Variants in IQGAP1 observed in about 807,000 individuals in gnomAD.
IQGAP1 encodes the protein IQ motif containing GTPase activating protein 1, also known as ras GTPase-activating-like protein IQGAP1.
IQGAP1 carries 66 observed loss-of-function variants against 215.6 expected under a neutral mutation model. The observed-to-expected ratio is 0.31, with a 90% confidence interval of 0.25 to 0.38. IQGAP1 has a LOEUF of 0.38. Among genes scored for constraint, IQGAP1 ranks in the 10% least tolerant of loss-of-function variants. The pLI is 1.00. For missense variants in IQGAP1, 1,712 were observed against 1,997.1 expected (o/e 0.86, Z 2.72); for synonymous variants, 772 against 728.7 (o/e 1.06, Z -0.96).
chr15:90,452,988 A>T lies in IQGAP1; in HGVS notation c.1326+50A>T, dbSNP rs758288917. Reference sequence around the variant, plus strand: ...TTGTGAGCAAAGTTGGGTGGACGTGAGTGTAATACCCACTTCTTCCTGTGG... The same window carrying T: ...TTGTGAGCAAAGTTGGGTGGACGTGTGTGTAATACCCACTTCTTCCTGTGG... On this transcript the variant is annotated intron_variant, in intron 12 of 37. Coordinates refer to ENST00000268182, the MANE Select transcript of IQGAP1 (RefSeq NM_003870.4). 8 of 1,597,404 alleles carry T rather than the reference A, an allele frequency of 5.0e-6. No homozygotes were observed. In the South Asian group the frequency reaches 8.9e-5, roughly 18 times the overall value.
chr15:90,420,474 A>G (rs767708018), intron 2 of IQGAP1, among the ~76,000 whole-genome samples: 4 of 152,200 alleles, frequency 2.6e-5, no homozygotes, highest in Non-Finnish European at 4.4e-5. Context: ...CCAGAAATGA[A>G]CTAGGTTACC....
chr15:90,402,310 C>G (rs1181627113), intron 2 of IQGAP1, among the ~76,000 whole-genome samples: 1 of 152,116 alleles, frequency 6.6e-6, no homozygotes, highest in Non-Finnish European at 1.5e-5. Flanking sequence ...AAAGAGTTAC[C>G]TCATACAGAC....
chr15:90,444,637 A>G (rs879632266), intron 9 of IQGAP1, among the ~76,000 whole-genome samples: 1 of 152,176 alleles, frequency 6.6e-6, no homozygotes, highest in Non-Finnish European at 1.5e-5. Flanking sequence ...TGACTTTTAT[A>G]TATGTGTTAC....
chr15:90,481,560 G>T (rs59319962), intron 26 of IQGAP1, among the ~76,000 whole-genome samples: 2 of 151,860 alleles, frequency 1.3e-5, no homozygotes, highest in Non-Finnish European at 2.9e-5. Flanking sequence ...GCATCCCTTC[G>T]TTTTGGAAGC....
rs1478203119 is a variant in IQGAP1 at position 90,454,485 on chromosome 15, C to T, written c.1545C>T (p.Phe515=). 6.2e-7 allele frequency: 1 copy of T among 1,611,832 alleles called. No individual in the cohort carries two copies. The highest frequency in any genetic ancestry group is 8.5e-7 in the Non-Finnish European group (1 of 1,179,240). ...AGGCACATGCAGAGAATAATGAATT[C>T]ATTACATGGAATGATATCCAAGCTT... The part of the protein sequence containing the change: ...KAQAHAENNE[F]ITWNDIQACV... Residue 515 remains phenylalanine, a synonymous_variant, in exon 14 of 38, where the codon TTC becomes TTT. Transcript: ENST00000268182.
chr15:90,461,301 A>G (rs1313798359), intron 15 of IQGAP1, among the ~76,000 whole-genome samples: 1 of 102,382 alleles, frequency 9.8e-6, no homozygotes, highest in Non-Finnish European at 2.2e-5. Flanking sequence ...CTCCGTCTCA[A>G]AAAAAGAAAA....
Position 90,492,718 on chromosome 15 carries a change from A to AT in IQGAP1, c.4628+13dup. ...ACTTAGCCAGCAAGGGCAAGTGAGT[A>AT]TTTTTTCTTTTTAAAGAATCAATGT... On this transcript the variant is annotated splice_region_variant and intron_variant, in intron 35 of 37. Coordinates refer to ENST00000268182, the MANE Select transcript of IQGAP1 (RefSeq NM_003870.4). The AT allele has an allele frequency of 6.3e-7, 1 of 1,596,924 alleles. No individual in the cohort carries two copies. Among genetic ancestry groups the AT allele is most frequent in the Non-Finnish European group, 8.5e-7 (1 of 1,174,410 alleles).
intron 26 of IQGAP1, among the ~76,000 whole-genome samples, chr15:90,478,779 T>C (rs1201081655): frequency 6.6e-6 from 1 of 152,172 alleles, no homozygotes; most frequent in African/African-American, 2.4e-5. Context: ...AAGGTTCATA[T>C]AGATTGGGTG....
At chr15:90,460,564 G>A (rs1287874093) in intron 15 of IQGAP1, among the ~76,000 whole-genome samples, 1 of 152,162 alleles carries the variant, frequency 6.6e-6, no homozygotes, top group Non-Finnish European at 1.5e-5. Flanking sequence ...TTGGGAATGG[G>A]GCTTTGAAGG....
At chr15:90,481,203 G>C (rs962786481) in intron 26 of IQGAP1, among the ~76,000 whole-genome samples, 78 of 151,156 alleles carry the variant, frequency 5.2e-4, no homozygotes, top group African/African-American at 1.8e-3. Context: ...TGTGGTTCCA[G>C]CCTCTGCCTT....
chr15:90,424,509 G>A (rs755006377), intron 2 of IQGAP1, among the ~76,000 whole-genome samples: 2 of 152,214 alleles, frequency 1.3e-5, no homozygotes, highest in Non-Finnish European at 2.9e-5. Flanking sequence ...GTGTTAGAGA[G>A]TACGCTGCCT....
intron 13 of IQGAP1, among the ~76,000 whole-genome samples, chr15:90,453,524 G>C (rs185748202): frequency 6.6e-6 from 1 of 152,266 alleles, no homozygotes; most frequent in East Asian, 1.9e-4. Flanking sequence ...CACTATCTCT[G>C]ACAAAGTTAA....
At chr15:90,492,419 T>TAA (rs56724183) in intron 34 of IQGAP1, 126 bp from the exon 35 acceptor site, 28,594 of 366,762 alleles carry the variant, frequency 0.078, 1,497 homozygotes, top group African/African-American at 0.24. Context: ...ACAGAGTGTC[T>TAA]AAAAAAAAAA....
chr15:90,396,875 C>T (rs961591196), intron 2 of IQGAP1, among the ~76,000 whole-genome samples: 21 of 150,312 alleles, frequency 1.4e-4, no homozygotes, highest in Non-Finnish European at 2.5e-4. Context: ...TTTTTGGAGA[C>T]GGAGTCTCGC....
intron 10 of IQGAP1, 86 bp from the exon 11 acceptor site, chr15:90,449,473 A>G: frequency 6.4e-6 from 7 of 1,089,868 alleles, no homozygotes; most frequent in Non-Finnish European, 7.9e-6. Context: ...CTCTGTCCCT[A>G]GTGACTGCTT....
chr15:90,484,651 G>A (rs1966101892), intron 30 of IQGAP1, among the ~76,000 whole-genome samples: 1 of 152,078 alleles, frequency 6.6e-6, no homozygotes, highest in Admixed American at 6.6e-5. Context: ...TGGGACTACA[G>A]GCACCCGCCA....
At chr15:90,416,696 G>C (rs575503514) in intron 2 of IQGAP1, among the ~76,000 whole-genome samples, 233 of 151,832 alleles carry the variant, frequency 1.5e-3, no homozygotes, top group African/African-American at 5.4e-3. Context: ...TCCTGCCTCA[G>C]CCTCCCGAGT....
chr15:90,396,827 C>A (rs2601197), intron 2 of IQGAP1, among the ~76,000 whole-genome samples: 82,426 of 151,796 alleles, frequency 0.54, 23,337 homozygotes, highest in East Asian at 0.72. Flanking sequence ...TTTTACCCTA[C>A]CATGTAGCTG....
intron 9 of IQGAP1, among the ~76,000 whole-genome samples, chr15:90,447,149 TATC>T (rs1457338977): frequency 6.6e-6 from 1 of 152,204 alleles, no homozygotes; most frequent in Non-Finnish European, 1.5e-5. Context: ...CCTCAGTAAA[TATC>T]ATTGAAGGAA....
Sources: allele counts gnomAD v4.1 joint callset (sites outside exome capture counted in the v4.1 genomes callset), GRCh38; gene constraint gnomAD v4.1.1; transcripts MANE v1.5; gene names NCBI Gene and HGNC (gene_info 2026-07-23, HGNC 2026-07-21).